Variants in TTC33 observed in about 807,000 individuals in gnomAD.
TTC33 encodes tetratricopeptide repeat protein 33.
In TTC33, 24 loss-of-function variants were observed where a neutral mutation model predicts 29.4. The ratio of observed to expected loss-of-function variants is 0.82; its 90% CI spans 0.59 to 1.15. TTC33 has a LOEUF of 1.15. Ranked by LOEUF, TTC33 falls within the 50% of genes most tolerant of loss-of-function variation. The probability of loss-of-function intolerance (pLI) is 0.00; values close to 1 mark genes in which losing one functional copy is unlikely to be tolerated. For synonymous variants in TTC33, 107 were observed against 100.3 expected, an observed-to-expected ratio of 1.07 and a Z score of -0.40; for missense variants, 286 against 310.4, an observed-to-expected ratio of 0.92 and a Z score of 0.59.
chr5:40,722,816 G>A (rs529367531), intron 4 of TTC33, among the ~76,000 whole-genome samples: 2 of 150,404 alleles, frequency 1.3e-5, no homozygotes, highest in East Asian at 4.0e-4. Context: ...TCCGGGAGGT[G>A]GGGGGCGCAG....
intron 1 of TTC33, among the ~76,000 whole-genome samples, chr5:40,753,591 A>G (rs1294582694): frequency 6.6e-6 from 1 of 152,196 alleles, no homozygotes; most frequent in East Asian, 1.9e-4. Context: ...TTGTAGGGGA[A>G]GATGGCTGAA....
At position 40,716,417 on chromosome 5, in the gene TTC33, T is replaced by C; in HGVS notation, c.517A>G (p.Thr173Ala). 1 of 1,613,930 alleles carries C rather than the reference T, an allele frequency of 6.2e-7. No individual in the cohort carries two copies. The highest frequency in any genetic ancestry group is 8.5e-7 in the Non-Finnish European group (1 of 1,180,040). The change falls in exon 5 of 5, where the codon ACG (threonine) becomes GCG (alanine). Residue 173 changes from threonine to alanine, a missense_variant. Transcript: ENST00000337702. ...IWKEDLSWARTLQEQQKVAQR... is the reference protein window; with the variant it reads ...IWKEDLSWARALQEQQKVAQR... ...GCTACCTTCTGCTGCTCCTGGAGCG[T>C]TCTTGCCCAAGAGAGGTCTTCTTTC...
At chr5:40,727,621 T>G (rs1742317505) in intron 4 of TTC33, among the ~76,000 whole-genome samples, 1 of 152,196 alleles carries the variant, frequency 6.6e-6, no homozygotes, top group South Asian at 2.1e-4. Flanking sequence ...TACCCTCCCA[T>G]ATTCTACTGT....
chr5:40,740,788 T>C (rs963441235), intron 2 of TTC33, among the ~76,000 whole-genome samples: 2 of 152,184 alleles, frequency 1.3e-5, no homozygotes, highest in African/African-American at 4.8e-5. Context: ...TCCCACCCCA[T>C]GTCCTCTCAT....
chr5:40,748,623 T>C (rs1386198173), intron 1 of TTC33, among the ~76,000 whole-genome samples: 1 of 152,238 alleles, frequency 6.6e-6, no homozygotes, highest in Non-Finnish European at 1.5e-5. Flanking sequence ...GGAATTGTTT[T>C]AAAGCAATCA....
Position 40,712,241 on chromosome 5 carries a change from C to G in TTC33, c.*3904G>C, listed in dbSNP as rs955163420. Among the ~76,000 whole-genome samples, 9 of 152,006 alleles carry G rather than the reference C, an allele frequency of 5.9e-5. No individual in the cohort carries two copies. The highest frequency in any genetic ancestry group is 3.3e-4 in the Admixed American group (5 of 15,218). ...TTTACCTGTTGCCTTGTAATTAACA[C>G]TACTCAATTTCAATAGAATTTCCAT... On this transcript the variant is annotated 3_prime_UTR_variant, in exon 5 of 5. Transcript: ENST00000337702.
chr5:40,745,711 G>A (rs2095394594), intron 2 of TTC33, among the ~76,000 whole-genome samples: 1 of 150,532 alleles, frequency 6.6e-6, no homozygotes, highest in Non-Finnish European at 1.5e-5. Flanking sequence ...AACTGGAACT[G>A]GAATCATACT....
chr5:40,726,974 A>G (rs1742303116), intron 4 of TTC33, among the ~76,000 whole-genome samples: 1 of 152,186 alleles, frequency 6.6e-6, no homozygotes, highest in African/African-American at 2.4e-5. Context: ...AAATGGCAAG[A>G]AAAAAACAGT....
chr5:40,714,201 G>A lies in TTC33; in HGVS notation c.*1944C>T, dbSNP rs1446512019. On this transcript the variant is annotated 3_prime_UTR_variant, in exon 5 of 5. Transcript: ENST00000337702. ...ATCCCACTATCTCTCCTATAATACTGGAATCAGAGACTTCTTACTTTCAGA... is the reference window on the plus strand; with the variant it reads ...ATCCCACTATCTCTCCTATAATACTAGAATCAGAGACTTCTTACTTTCAGA... Among the ~76,000 whole-genome samples, 4 of 152,094 alleles carry A rather than the reference G, an allele frequency of 2.6e-5. No homozygotes were observed. Among genetic ancestry groups the A allele is most frequent in the South Asian group, 4.1e-4 (2 of 4,828 alleles).
chr5:40,725,181 T>C (rs1207332179), intron 4 of TTC33, among the ~76,000 whole-genome samples: 1 of 148,724 alleles, frequency 6.7e-6, no homozygotes, highest in Non-Finnish European at 1.5e-5. Flanking sequence ...AAATATAGGA[T>C]CTTGCCATGC....
chr5:40,729,947 C>G (rs1318321162), intron 3 of TTC33, among the ~76,000 whole-genome samples: 1 of 152,206 alleles, frequency 6.6e-6, no homozygotes, highest in Non-Finnish European at 1.5e-5. Flanking sequence ...GATCCACCCA[C>G]CTCGGCCTCC....
chr5:40,723,114 C>T (rs1189030594), intron 4 of TTC33, among the ~76,000 whole-genome samples: 1 of 152,186 alleles, frequency 6.6e-6, no homozygotes, highest in Non-Finnish European at 1.5e-5. Context: ...CCTTGGGATG[C>T]TGTTAATCTA....
At chr5:40,735,924 G>A (rs1053083424) in intron 2 of TTC33, among the ~76,000 whole-genome samples, 6 of 152,218 alleles carry the variant, frequency 3.9e-5, no homozygotes, top group Non-Finnish European at 5.9e-5. Context: ...GGTTCATCAA[G>A]AAATGGAGTT....
chr5:40,729,420 A>C (rs1296584494), intron 3 of TTC33, among the ~76,000 whole-genome samples: 1 of 152,256 alleles, frequency 6.6e-6, no homozygotes, highest in Non-Finnish European at 1.5e-5. Flanking sequence ...TGGATAACCT[A>C]TTCAAGTGCT....
At chr5:40,723,507 CAAATT>C (rs1046981881) in intron 4 of TTC33, among the ~76,000 whole-genome samples, 4 of 98,086 alleles carry the variant, frequency 4.1e-5, no homozygotes, top group Admixed American at 1.3e-4. Flanking sequence ...AAAGCTAACT[CAAATT>C]AAAAAAAAAA....
At chr5:40,728,249 A>G in intron 4 of TTC33, 96 bp downstream of exon 4, 3 of 987,504 alleles carry the variant, frequency 3.0e-6, no homozygotes, top group Non-Finnish European at 2.8e-6. Flanking sequence ...GCACCACTGC[A>G]CTGTACCCTG....
chr5:40,728,896 A>G (rs1742357978), intron 3 of TTC33, among the ~76,000 whole-genome samples: 1 of 152,204 alleles, frequency 6.6e-6, no homozygotes, highest in South Asian at 2.1e-4. Context: ...TTATGTTATA[A>G]AAAGTATTTA....
At chr5:40,730,225 AT>A (rs1742390958) in intron 3 of TTC33, 36 bp downstream of exon 3, 1 of 1,532,176 alleles carries the variant, frequency 6.5e-7, no homozygotes, top group Non-Finnish European at 9.0e-7. Context: ...ACATAGCACA[AT>A]TTCATAAGGA....
chr5:40,734,757 G>A (rs1334535494), intron 2 of TTC33, among the ~76,000 whole-genome samples: 1 of 152,162 alleles, frequency 6.6e-6, no homozygotes, highest in Non-Finnish European at 1.5e-5. Context: ...TAAGTACTAA[G>A]GATGCAGCAC....
Sources: gnomAD v4.1 joint callset for allele counts (sites outside exome capture counted in the v4.1 genomes callset) on GRCh38, gnomAD v4.1.1 for gene constraint, MANE v1.5 for transcripts, NCBI Gene and HGNC (gene_info 2026-07-23, HGNC 2026-07-21) for gene names.